The following DST variants were observed in gnomAD, a reference collection of about 807,000 sequenced individuals.
DST encodes the protein dystonin, also known as bullous pemphigoid antigen.
Under a neutral mutation model 875.2 loss-of-function variants are expected in DST, and 253 were observed. The observed-to-expected ratio is 0.29, with a 90% CI of 0.26 to 0.32. DST has a LOEUF of 0.32. DST is among the 10% of genes least tolerant of loss of function. DST has a pLI of 1.00. For synonymous variants in DST, 3,124 were observed against 3,197.1 expected, an observed-to-expected ratio of 0.98 and a Z score of 0.77; for missense variants, 8,287 against 9,111.6, an observed-to-expected ratio of 0.91 and a Z score of 3.68.
At position 56,867,629 on chromosome 6, in the gene DST, G is replaced by A. The variant is rs555338753; in HGVS notation, c.418-16025C>T. 3.8e-3 allele frequency among the ~76,000 whole-genome samples: 577 copies of A among 152,268 alleles called. 3 individuals carry two copies. The highest frequency in any genetic ancestry group is 4.7e-3 in the Non-Finnish European group (319 of 68,006). The stretch of plus-strand genomic sequence containing the variant: ...GAGGTCAGGAGATCAAGACCATCCT[G>A]GCCAACATGGTGAAACCCCGTCTCT... On this transcript the variant is annotated intron_variant, in intron 3 of 103. Coordinates refer to ENST00000680361, the MANE Select transcript of DST (RefSeq NM_001374736.1).
chr6:56,740,107 C>T (rs950951032), intron 4 of DST, among the ~76,000 whole-genome samples: 3 of 152,168 alleles, frequency 2.0e-5, no homozygotes, highest in Non-Finnish European at 2.9e-5. Flanking sequence ...CCTCCCGCCT[C>T]GGCCTCCCAA....
At chr6:56,597,398 A>G (rs2098402084) in intron 47 of DST, among the ~76,000 whole-genome samples, 1 of 152,198 alleles carries the variant, frequency 6.6e-6, no homozygotes, top group African/African-American at 2.4e-5. Context: ...CTGTAAGATG[A>G]AAATAAAAAC....
intron 4 of DST, among the ~76,000 whole-genome samples, chr6:56,778,317 G>A (rs1386124153): frequency 6.6e-6 from 1 of 150,454 alleles, no homozygotes; most frequent in East Asian, 1.9e-4. Context: ...AGGTCTGAGG[G>A]CCTACTGGTG....
chr6:56,776,996 C>T (rs1463317539), intron 4 of DST, among the ~76,000 whole-genome samples: 1 of 152,170 alleles, frequency 6.6e-6, no homozygotes, highest in Non-Finnish European at 1.5e-5. Context: ...TGGAATCACA[C>T]ACAAATACTG....
chr6:56,846,634 TAAG>T (rs1312505630), intron 4 of DST, among the ~76,000 whole-genome samples: 1 of 152,180 alleles, frequency 6.6e-6, no homozygotes, highest in Non-Finnish European at 1.5e-5. Context: ...CCCTAGGAGA[TAAG>T]AAGTAAACAT....
rs902153268 is a variant in DST, at chr6:56,631,345, T to C, written c.4008A>G (p.Thr1336=). 1 of 1,613,912 alleles carries C rather than the reference T, an allele frequency of 6.2e-7. No individual in the cohort carries two copies. The highest frequency in any genetic ancestry group is 1.3e-5 in the African/African-American group (1 of 74,922). Residue 1336 remains threonine (T), a synonymous_variant, in exon 30 of 104, where the codon ACA becomes ACG. Transcript: ENST00000680361. Reference sequence around the variant, plus strand: ...AAAACTCCTCACACTTATTTGTGATTGTTCCCAAATCATCTTTAAGTCGTT... The same window carrying C: ...AAAACTCCTCACACTTATTTGTGATCGTTCCCAAATCATCTTTAAGTCGTT... ...ELERLKDDLG[T]ITNKCEEFFS... is the part of the protein sequence containing the mutation.
chr6:56,756,364 G>A (rs892899379), intron 4 of DST, among the ~76,000 whole-genome samples: 1 of 152,146 alleles, frequency 6.6e-6, no homozygotes, highest in Non-Finnish European at 1.5e-5. Flanking sequence ...ACTGCAGATG[G>A]GTGTGGAGCA....
intron 3 of DST, among the ~76,000 whole-genome samples, chr6:56,887,983 G>A (rs977074112): frequency 6.9e-6 from 1 of 144,442 alleles, no homozygotes; most frequent in African/African-American, 2.6e-5. Context: ...ATGGAGTCTC[G>A]CTCTGTTACC....
chr6:56,615,373 A>G (rs2098603389), intron 36 of DST: 2 of 1,515,090 alleles, frequency 1.3e-6, no homozygotes, highest in South Asian at 2.5e-5. Context: ...CTCTATTTTG[A>G]GCACTTAGCA....
At chr6:56,479,763 G>A (rs9396215) in intron 90 of DST, among the ~76,000 whole-genome samples, 41,267 of 151,976 alleles carry the variant, frequency 0.27, 5,762 homozygotes, top group Middle Eastern at 0.43. Context: ...AATAGACACT[G>A]AAGACTCCAA....
At chr6:56,549,402 T>A (rs1182426354) in intron 61 of DST, among the ~76,000 whole-genome samples, 1 of 152,206 alleles carries the variant, frequency 6.6e-6, no homozygotes, top group African/African-American at 2.4e-5. Flanking sequence ...AATCATTCCA[T>A]TTAAAAAATT....
chr6:56,568,312 C>T (rs2097717505), intron 55 of DST, among the ~76,000 whole-genome samples, 157 bp downstream of exon 55: 1 of 152,210 alleles, frequency 6.6e-6, no homozygotes, highest in African/African-American at 2.4e-5. Context: ...CAGATACATT[C>T]CCAGCACAGT....
intron 4 of DST, among the ~76,000 whole-genome samples, chr6:56,799,522 A>G (rs1732907402): frequency 6.6e-6 from 1 of 151,654 alleles, no homozygotes; most frequent in Non-Finnish European, 1.5e-5. Flanking sequence ...TCAAGGCAAG[A>G]CCCTCTACCA....
intron 13 of DST, among the ~76,000 whole-genome samples, chr6:56,647,826 C>A (rs555399735): frequency 6.6e-6 from 1 of 152,072 alleles, no homozygotes; most frequent in South Asian, 2.1e-4. Flanking sequence ...ACTGGGATTA[C>A]AAGTGTGTGC....
chr6:56,766,600 G>C (rs1398639247), intron 4 of DST, among the ~76,000 whole-genome samples: 4 of 150,182 alleles, frequency 2.7e-5, no homozygotes, highest in Non-Finnish European at 1.5e-5. Flanking sequence ...GCGTGATTTC[G>C]ACTCACTGCA....
chr6:56,560,469 A>G lies in DST; in HGVS notation c.14311-46T>C, dbSNP rs749468524. ...ATAAATCATGTGTACAGCAAAAGAC[A>G]AAAATACAATAATGATAGAGCATTA... On this transcript the variant is annotated intron_variant, in intron 57 of 103. Coordinates refer to ENST00000680361, the MANE Select transcript of DST (RefSeq NM_001374736.1). 4 of 1,530,834 alleles carry G rather than the reference A, an allele frequency of 2.6e-6. No individual in the cohort carries two copies. In the South Asian group the frequency reaches 4.9e-5, roughly 19 times the overall value. The allele number at this position is 1,530,834 out of a possible 1,614,324, so 94.8% of individuals were successfully genotyped here. A position where few individuals can be genotyped will look rare whatever the true frequency, so the allele number is the denominator to read the frequency against.
At chr6:56,497,340 T>C (rs780290030) in intron 82 of DST, 39 bp downstream of exon 82, 14 of 1,599,630 alleles carry the variant, frequency 8.8e-6, no homozygotes, top group Middle Eastern at 1.7e-4. Context: ...GGTCAGTTTG[T>C]TATTCTGAGG....
chr6:56,657,168 T>G (rs555038628), intron 10 of DST, among the ~76,000 whole-genome samples: 8 of 152,164 alleles, frequency 5.3e-5, no homozygotes, highest in Non-Finnish European at 7.4e-5. Context: ...GGAAAAAACA[T>G]CCACAATGTC....
chr6:56,598,488 T>C lies in DST; in HGVS notation c.11916A>G (p.Glu3972=). Residue 3972 remains glutamate, a synonymous_variant, in exon 46 of 104, where the codon GAA becomes GAG. Transcript: ENST00000680361. The part of the protein sequence containing the change: ...LDKVVTTAIK[E]ETEKVAAVKQ... ...TTTGAATAAGGACCTTTTCAGTTTCTTCCTTGATTGCTGTTGTCACAACTT... is the reference window on the plus strand; with the variant it reads ...TTTGAATAAGGACCTTTTCAGTTTCCTCCTTGATTGCTGTTGTCACAACTT... 1 of 1,564,240 alleles carries C rather than the reference T, an allele frequency of 6.4e-7. No homozygotes were observed. The highest frequency in any genetic ancestry group is 8.7e-7 in the Non-Finnish European group (1 of 1,155,216).
Sources: allele counts gnomAD v4.1 joint callset (sites outside exome capture counted in the v4.1 genomes callset), GRCh38; gene constraint gnomAD v4.1.1; transcripts MANE v1.5; gene names NCBI Gene and HGNC (gene_info 2026-07-23, HGNC 2026-07-21).